PPP2R2C: variants seen among roughly 807,000 people sequenced by gnomAD.
PPP2R2C encodes protein phosphatase 2 regulatory subunit Bgamma, also known as protein phosphatase 2, regulatory subunit B, gamma.
In PPP2R2C, 10 loss-of-function variants were observed where a neutral mutation model predicts 45.3. The observed-to-expected ratio is 0.22, with a 90% CI of 0.14 to 0.37. The LOEUF is 0.37. Among genes scored for constraint, PPP2R2C ranks in the 10% least tolerant of loss-of-function variants. The probability of loss-of-function intolerance (pLI) is 1.00; values close to 1 mark genes in which losing one functional copy is unlikely to be tolerated. For synonymous variants in PPP2R2C, 257 were observed against 245.4 expected (o/e 1.05, Z -0.44); for missense variants, 308 against 619.7 (o/e 0.50, Z 5.34).
chr4:6,553,615 T>A (rs1056499831), intron 1 of PPP2R2C, among the ~76,000 whole-genome samples: 1 of 152,208 alleles, frequency 6.6e-6, no homozygotes, highest in Admixed American at 6.5e-5. Flanking sequence ...GAGTCCTTCT[T>A]CCTCCACCCA....
intron 1 of PPP2R2C, among the ~76,000 whole-genome samples, chr4:6,388,465 AAGG>A (rs1348592138): frequency 5.9e-5 from 9 of 152,208 alleles, no homozygotes; most frequent in African/African-American, 2.2e-4. Flanking sequence ...TGATCAAGTT[AAGG>A]TGCGGTCATA....
chr4:6,421,116 C>T (rs1277061254), intron 1 of PPP2R2C: 1 of 985,144 alleles, frequency 1.0e-6, no homozygotes, highest in African/African-American at 1.7e-5. Context: ...CCCCAAAACA[C>T]ATGCAGGTAT....
chr4:6,461,553 G>C (rs940348173), intron 1 of PPP2R2C, among the ~76,000 whole-genome samples: 1 of 152,184 alleles, frequency 6.6e-6, no homozygotes, highest in African/African-American at 2.4e-5. Context: ...CCGGAGAATG[G>C]AGAGGACATG....
chr4:6,533,273 A>G (rs1724466996), intron 2 of PPP2R2C, among the ~76,000 whole-genome samples: 1 of 152,204 alleles, frequency 6.6e-6, no homozygotes, highest in Non-Finnish European at 1.5e-5. Context: ...GTCACAGCCA[A>G]ATCCTCTTAG....
In PPP2R2C at chr4:6,453,104, C is replaced by T. The variant is rs116819219; in HGVS notation, c.70+19056G>A. 7.5e-3 allele frequency among the ~76,000 whole-genome samples: 1,146 copies of T among 152,266 alleles called. 9 individuals carry two copies. Among genetic ancestry groups the T allele is most frequent in the African/African-American group, 0.026 (1,099 of 41,548 alleles). On this transcript the variant is annotated intron_variant, in intron 1 of 8. Coordinates refer to ENST00000382599, the MANE Select transcript of PPP2R2C (RefSeq NM_020416.4). ...TGCTCATCATAAAGATGAGCAGGTG[C>T]GGGGCCGTTCCTGAGCATCGGATAC...
intron 2 of PPP2R2C, among the ~76,000 whole-genome samples, chr4:6,521,283 T>C (rs1356533317): frequency 2.0e-5 from 3 of 152,212 alleles, no homozygotes; most frequent in Non-Finnish European, 4.4e-5. Context: ...GCCACTTGTA[T>C]GTTGTGTTCA....
intron 1 of PPP2R2C, among the ~76,000 whole-genome samples, chr4:6,435,565 G>T (rs1043186622): frequency 6.6e-6 from 1 of 152,164 alleles, no homozygotes; most frequent in African/African-American, 2.4e-5. Flanking sequence ...AGCTTGCACT[G>T]GTCCTTACTA....
At chr4:6,511,550 T>G (rs62286140) in intron 2 of PPP2R2C, among the ~76,000 whole-genome samples, 5 of 24,666 alleles carry the variant, frequency 2.0e-4, no homozygotes, top group Non-Finnish European at 3.9e-4. Context: ...GTGGTGATGG[T>G]GGTGGTGGTG....
At chr4:6,383,301 C>T (rs1037675980) in intron 1 of PPP2R2C, 2 of 1,272,874 alleles carry the variant, frequency 1.6e-6, no homozygotes, top group Non-Finnish European at 2.0e-6. Flanking sequence ...GCAGGGCAAG[C>T]CCAGCCAAGC....
chr4:6,560,480 A>G (rs1411558013), intron 1 of PPP2R2C, among the ~76,000 whole-genome samples: 1 of 152,244 alleles, frequency 6.6e-6, no homozygotes, highest in African/African-American at 2.4e-5. Context: ...GACCTCAGGC[A>G]GATCACTTAA....
At chr4:6,352,855 T>C (rs939516849) in intron 5 of PPP2R2C, among the ~76,000 whole-genome samples, 1 of 151,948 alleles carries the variant, frequency 6.6e-6, no homozygotes, top group Non-Finnish European at 1.5e-5. Flanking sequence ...TTTGCAGATG[T>C]AGTTAAAGAT....
chr4:6,385,072 A>C (rs1023701347), intron 1 of PPP2R2C, among the ~76,000 whole-genome samples: 6 of 152,204 alleles, frequency 3.9e-5, no homozygotes, highest in Non-Finnish European at 8.8e-5. Flanking sequence ...ACCAAAATGT[A>C]CTGGACAGAA....
chr4:6,426,671 C>T (rs931621367), intron 1 of PPP2R2C, among the ~76,000 whole-genome samples: 3 of 152,274 alleles, frequency 2.0e-5, no homozygotes, highest in East Asian at 1.9e-4. Flanking sequence ...TATCAGGGGA[C>T]GGCAGAGTAG....
intron 1 of PPP2R2C, among the ~76,000 whole-genome samples, chr4:6,462,914 G>C (rs1368737612): frequency 6.6e-6 from 1 of 152,176 alleles, no homozygotes; most frequent in African/African-American, 2.4e-5. Flanking sequence ...ATGCAAAGAA[G>C]TTTCTCCTCT....
intron 1 of PPP2R2C, among the ~76,000 whole-genome samples, chr4:6,454,455 G>T (rs1436084459): frequency 6.6e-6 from 1 of 152,146 alleles, no homozygotes; most frequent in African/African-American, 2.4e-5. Flanking sequence ...GCCATCGAAG[G>T]AGTCCAACTG....
intron 2 of PPP2R2C, among the ~76,000 whole-genome samples, chr4:6,522,113 C>T (rs1223648066): frequency 6.6e-6 from 1 of 152,134 alleles, no homozygotes; most frequent in Non-Finnish European, 1.5e-5. Flanking sequence ...ACTCTCCCGG[C>T]CACTCACAGC....
intron 1 of PPP2R2C, among the ~76,000 whole-genome samples, chr4:6,469,069 C>T (rs1457586653): frequency 1.8e-5 from 2 of 110,962 alleles, no homozygotes; most frequent in Non-Finnish European, 3.5e-5. Flanking sequence ...GCCACCCAGC[C>T]CTGCCACCAA....
In PPP2R2C at chr4:6,368,028, G is replaced by A. The variant is rs1005225439; in HGVS notation, c.625+4495C>T. Among the ~76,000 whole-genome samples, 9 of 152,188 alleles carry A rather than the reference G, an allele frequency of 5.9e-5. No individual in the cohort carries two copies. Among genetic ancestry groups the A allele is most frequent in the African/African-American group, 2.2e-4 (9 of 41,440 alleles). On this transcript the variant is annotated intron_variant, in intron 5 of 8. Transcript: ENST00000382599. This position sits in a 1 kb window ranked among gnomAD's most constrained non-coding sequence, Gnocchi z 4.2. ...ATTAATAATCATTTTCACAGAATGG[G>A]AAGTTACACAGAGATCTGACACTGA... is the stretch of plus-strand genomic sequence containing the variant.
At chr4:6,349,681 T>C (rs1221524739) in intron 5 of PPP2R2C, 1 of 817,598 alleles carries the variant, frequency 1.2e-6, no homozygotes, top group Non-Finnish European at 1.5e-6. Flanking sequence ...TCTACTAAAA[T>C]ACAAAAAGAA....
Sources: gnomAD v4.1 joint callset for allele counts (sites outside exome capture counted in the v4.1 genomes callset) on GRCh38, gnomAD v4.1.1 for gene constraint, Gnocchi (gnomAD v3.1) non-coding constraint, MANE v1.5 for transcripts, NCBI Gene and HGNC (gene_info 2026-07-23, HGNC 2026-07-21) for gene names.